The following SLCO4A1 variants were observed in gnomAD, a reference collection of about 807,000 sequenced individuals.
SLCO4A1 encodes the protein solute carrier organic anion transporter family member 4A1.
SLCO4A1 carries 51 observed loss-of-function variants against 64.6 expected under a neutral mutation model. The observed-to-expected ratio is 0.79, with a 90% CI of 0.63 to 1.00. The LOEUF (loss-of-function observed/expected upper bound fraction) is 1.00, where lower values mean the gene tolerates loss of function less well. Among genes scored for constraint, SLCO4A1 ranks in the 50% least tolerant of loss-of-function variants. The probability of loss-of-function intolerance (pLI) is 0.00; values close to 1 mark genes in which losing one functional copy is unlikely to be tolerated. For synonymous variants in SLCO4A1, 471 were observed against 444.9 expected, an observed-to-expected ratio of 1.06 and a Z score of -0.74; for missense variants, 919 against 980.5, an observed-to-expected ratio of 0.94 and a Z score of 0.84.
At chr20:62,659,094 G>T (rs757412646) in intron 3 of SLCO4A1, among the ~76,000 whole-genome samples, 2 of 152,228 alleles carry the variant, frequency 1.3e-5, no homozygotes, top group Non-Finnish European at 2.9e-5. Context: ...TGTATCTTGT[G>T]TGTGTGACCC....
At chr20:62,678,539 T>TC (rs1175078564) in intron 2 of SLCO4A1, among the ~76,000 whole-genome samples, 1 of 151,858 alleles carries the variant, frequency 6.6e-6, no homozygotes, top group East Asian at 1.9e-4. Flanking sequence ...ATTCTTTTTT[T>TC]TTTTTTTTTT....
intron 11 of SLCO4A1, 66 bp downstream of exon 11, chr20:62,669,144 G>T (rs761117776): frequency 4.0e-6 from 6 of 1,501,778 alleles, no homozygotes; most frequent in Non-Finnish European, 5.5e-6. Context: ...CGAACATGCC[G>T]CGATCTTCCA....
At chr20:62,673,925 A>G (rs1987461938), downstream of SLCO4A1, among the ~76,000 whole-genome samples, 1 of 152,304 alleles carries the variant, frequency 6.6e-6, no homozygotes, top group African/African-American at 2.4e-5. Context: ...GCTAACCAAC[A>G]CACTGGGCAA....
At chr20:62,667,972 G>A (rs374817256) in intron 8 of SLCO4A1, 40 bp from the exon 9 acceptor site, 62 of 1,613,794 alleles carry the variant, frequency 3.8e-5, no homozygotes, top group East Asian at 3.3e-4. Flanking sequence ...GGGCCCCCGT[G>A]CCTTCCCCTT....
Position 62,656,917 on chromosome 20 carries a change from C to T in SLCO4A1, c.463C>T (p.Leu155Phe), listed in dbSNP as rs756444593. 2 of 1,567,516 alleles carry T rather than the reference C, an allele frequency of 1.3e-6. No homozygotes were observed. Among genetic ancestry groups the T allele is most frequent in the South Asian group, 1.2e-5 (1 of 84,868 alleles). The change falls in exon 2 of 12, where the codon CTC (leucine) becomes TTC (phenylalanine). Residue 155 changes from leucine (L) to phenylalanine (F), a missense_variant. Physicochemically the swap from Leu to Phe is conservative, Grantham distance 22. Coordinates refer to ENST00000217159, the MANE Select transcript of SLCO4A1 (RefSeq NM_016354.4). ...IASSYDIAAC[L>F]CLTFVSYFGG... ...CAGCTCCTACGACATTGCCGCCTGC[C>T]TCTGCCTCACCTTCGTCAGCTACTT...
intron 1 of SLCO4A1, chr20:62,643,085 T>G: frequency 2.2e-6 from 1 of 463,788 alleles, no homozygotes; most frequent in South Asian, 1.6e-5. Context: ...GCGGCCGGGC[T>G]TTGTTCGCGC....
Position 62,656,673 on chromosome 20 carries a change from T to C in SLCO4A1, c.219T>C (p.His73=). The C allele has an allele frequency of 3.1e-6, 5 of 1,607,464 alleles. No homozygotes were observed. The highest frequency in any genetic ancestry group is 1.1e-5 in the South Asian group (1 of 90,248). The part of the protein sequence containing the change: ...WAEKHGARGT[H]EVRYVSAGQS... ...AGAAGCATGGCGCCCGGGGGACCCATGAGGTGCGGTACGTCTCGGCCGGGC... is the reference window on the plus strand; with the variant it reads ...AGAAGCATGGCGCCCGGGGGACCCACGAGGTGCGGTACGTCTCGGCCGGGC... The change falls in exon 2 of 12, where the codon CAT becomes CAC. Residue 73 remains histidine, a synonymous_variant. Transcript: ENST00000217159.
downstream of SLCO4A1, among the ~76,000 whole-genome samples, chr20:62,675,531 G>A (rs1167799779): frequency 6.6e-6 from 1 of 152,222 alleles, no homozygotes; most frequent in Non-Finnish European, 1.5e-5. Context: ...GCAGATGGCT[G>A]ACAGGGACAG....
Position 62,653,193 on chromosome 20 carries a change from C to A in SLCO4A1, c.-96-3166C>A, listed in dbSNP as rs568593653. ...GCATCCATTCGCTGAGAGGGCGAGA[C>A]CTCCGATTCCACAGAGGAGCCCTGT... is the stretch of plus-strand genomic sequence containing the variant. On this transcript the variant is annotated intron_variant, in intron 1 of 11. Transcript: ENST00000217159. Among the ~76,000 whole-genome samples the A allele has an allele frequency of 3.3e-5, 5 of 152,338 alleles. No individual in the cohort carries two copies. The East Asian group carries it at 7.7e-4, about 24-fold the overall frequency.
At chr20:62,653,680 C>T (rs1447241431) in intron 1 of SLCO4A1, among the ~76,000 whole-genome samples, 1 of 152,212 alleles carries the variant, frequency 6.6e-6, no homozygotes, top group African/African-American at 2.4e-5. Context: ...TCTGGGCCCT[C>T]CTCAGGCCTC....
At chr20:62,660,789 C>A (rs1490411909) in intron 4 of SLCO4A1, among the ~76,000 whole-genome samples, 1 of 152,224 alleles carries the variant, frequency 6.6e-6, no homozygotes, top group Admixed American at 6.5e-5. Flanking sequence ...ACGGAACAGG[C>A]TTGTCCCAAT....
intron 1 of SLCO4A1, among the ~76,000 whole-genome samples, chr20:62,648,034 G>C (rs1020437447): frequency 1.3e-5 from 2 of 152,232 alleles, no homozygotes; most frequent in Non-Finnish European, 2.9e-5. Flanking sequence ...ATACACAGGC[G>C]CACACGCACG....
At chr20:62,652,087 G>C (rs1982644601) in intron 1 of SLCO4A1, 2 of 125,918 alleles carry the variant, frequency 1.6e-5, no homozygotes. Context: ...CCCCGTGCCA[G>C]CACGTGCAGC....
chr20:62,653,903 G>T (rs1360068638), intron 1 of SLCO4A1, among the ~76,000 whole-genome samples: 1 of 140,074 alleles, frequency 7.1e-6, no homozygotes, highest in Non-Finnish European at 1.6e-5. Flanking sequence ...GGTGGGGGGA[G>T]GGGGGAGGGA....
intron 1 of SLCO4A1, among the ~76,000 whole-genome samples, chr20:62,646,145 A>C: frequency 6.6e-6 from 1 of 151,982 alleles, no homozygotes; most frequent in Non-Finnish European, 1.5e-5. Flanking sequence ...TCTCCCACAC[A>C]TTGGGGGTCA....
At chr20:62,674,408 C>G (rs537935073), downstream of SLCO4A1, among the ~76,000 whole-genome samples, 196 of 152,252 alleles carry the variant, frequency 1.3e-3, 1 homozygote, top group African/African-American at 4.5e-3. Flanking sequence ...ACCCGGGGAC[C>G]TCAGGACTGA....
At chr20:62,683,250 T>C (rs1987915034) in intron 2 of SLCO4A1, among the ~76,000 whole-genome samples, 1 of 152,236 alleles carries the variant, frequency 6.6e-6, no homozygotes, top group Non-Finnish European at 1.5e-5. Context: ...TGATCATTTA[T>C]TCCAAGTCGT....
chr20:62,671,111 C>T (rs1285017440), intron 11 of SLCO4A1, among the ~76,000 whole-genome samples: 2 of 152,256 alleles, frequency 1.3e-5, no homozygotes, highest in Non-Finnish European at 2.9e-5. Context: ...AACCAAGACC[C>T]TGAAGGTTCA....
intron 1 of SLCO4A1, among the ~76,000 whole-genome samples, chr20:62,653,549 T>G (rs1160270214): frequency 6.6e-6 from 1 of 152,192 alleles, no homozygotes; most frequent in Non-Finnish European, 1.5e-5. Context: ...CTGAGGCCCC[T>G]GTGTCCCCTC....
Sources: allele counts gnomAD v4.1 joint callset (sites outside exome capture counted in the v4.1 genomes callset), GRCh38; gene constraint gnomAD v4.1.1; transcripts MANE v1.5; gene names NCBI Gene and HGNC (gene_info 2026-07-23, HGNC 2026-07-21).